Variants in MID1 observed in about 807,000 individuals in gnomAD.
MID1 encodes the protein E3 ubiquitin-protein ligase Midline-1.
Under a neutral mutation model 40.4 loss-of-function variants are expected in MID1, and 7 were observed. The ratio of observed to expected loss-of-function variants is 0.17; its 90% CI spans 0.10 to 0.33. The LOEUF (loss-of-function observed/expected upper bound fraction) is 0.33, where lower values mean the gene tolerates loss of function less well. Ranked by LOEUF, MID1 falls within the 10% of genes least tolerant of loss-of-function variation. The pLI is 1.00. For synonymous variants in MID1, 229 were observed against 221.2 expected, an observed-to-expected ratio of 1.04 and a Z score of -0.31; for missense variants, 367 against 558.5, an observed-to-expected ratio of 0.66 and a Z score of 3.46.
At chrX:10,576,729 T>C (rs1934880525) in intron 1 of MID1, 1 of 111,352 alleles carries the variant, frequency 9.0e-6, no homozygotes, top group East Asian at 2.8e-4. Flanking sequence ...TGGTCCTTAA[T>C]AGTTCTTTGA....
chrX:10,772,828 T>C (rs887948873), intron 1 of MID1, among the ~76,000 whole-genome samples: 1 of 110,365 alleles, frequency 9.1e-6, no homozygotes, highest in African/African-American at 3.3e-5. Flanking sequence ...TATATATGTA[T>C]AATACATATG....
chrX:10,582,349 G>A (rs751465153), intron 1 of MID1, among the ~76,000 whole-genome samples: 33 of 111,823 alleles, frequency 3.0e-4, no homozygotes, highest in African/African-American at 1.0e-3. Context: ...ACATCCTGGG[G>A]AATAGTCTGG....
intron 1 of MID1, among the ~76,000 whole-genome samples, chrX:10,630,766 G>A (rs886260503): frequency 9.0e-6 from 1 of 111,513 alleles, no homozygotes; most frequent in Non-Finnish European, 1.9e-5. Context: ...GGATTGGGAC[G>A]GGGGTGGCAC....
At chrX:10,502,715 G>A (rs893443779) in intron 3 of MID1, among the ~76,000 whole-genome samples, 2 of 111,938 alleles carry the variant, frequency 1.8e-5, no homozygotes, top group Non-Finnish European at 3.8e-5. Flanking sequence ...TCGGCCTCAT[G>A]GCAAAAACAA....
chrX:10,754,299 G>GT (rs1268373586), intron 1 of MID1, among the ~76,000 whole-genome samples: 27 of 102,172 alleles, frequency 2.6e-4, no homozygotes, highest in Non-Finnish European at 4.4e-4. Context: ...AGACAAGAGA[G>GT]TTTTTTTTTG....
chrX:10,701,572 G>C (rs983042688), intron 1 of MID1, among the ~76,000 whole-genome samples: 1 of 112,404 alleles, frequency 8.9e-6, no homozygotes, highest in East Asian at 2.8e-4. Flanking sequence ...GGAATTAGAG[G>C]AGATGCGGCA....
chrX:10,564,647 G>GTT (rs1356832843), intron 2 of MID1, among the ~76,000 whole-genome samples: 1 of 111,666 alleles, frequency 9.0e-6, no homozygotes, highest in Non-Finnish European at 1.9e-5. Context: ...TAACTGAAGA[G>GTT]TTTTGTTTTT....
At chrX:10,575,786 C>T (rs1187521123) in intron 1 of MID1, among the ~76,000 whole-genome samples, 3 of 110,664 alleles carry the variant, frequency 2.7e-5, no homozygotes, top group Non-Finnish European at 3.8e-5. Flanking sequence ...TCAGTACAAA[C>T]GCAAAGTGGT....
chrX:10,601,876 AGTTTTTGTTTTT>A (rs1331447442), intron 1 of MID1, among the ~76,000 whole-genome samples: 16 of 106,900 alleles, frequency 1.5e-4, no homozygotes, highest in African/African-American at 2.4e-4. Context: ...ATGGAATTGG[AGTTTTTGTTTTT>A]GTTTTTGTTT....
At chrX:10,655,688 C>T (rs886641052) in intron 1 of MID1, among the ~76,000 whole-genome samples, 2 of 110,759 alleles carry the variant, frequency 1.8e-5, no homozygotes, top group Non-Finnish European at 3.8e-5. Flanking sequence ...TTAGCAAACA[C>T]GAAGCAAGCA....
intron 1 of MID1, among the ~76,000 whole-genome samples, chrX:10,803,048 A>G (rs2044020028): frequency 1.8e-5 from 2 of 111,007 alleles, no homozygotes; most frequent in African/African-American, 6.6e-5. Flanking sequence ...GGATGGGGGC[A>G]AGGGCTGAAA....
intron 2 of MID1, among the ~76,000 whole-genome samples, chrX:10,541,292 C>T: frequency 8.9e-6 from 1 of 111,900 alleles, no homozygotes; most frequent in Middle Eastern, 4.6e-3. Context: ...TTTTGGATTA[C>T]AGGTAAACAG....
At chrX:10,473,625 C>T (rs1929835952) in intron 6 of MID1, among the ~76,000 whole-genome samples, 2 of 112,299 alleles carry the variant, frequency 1.8e-5, no homozygotes, top group Admixed American at 1.9e-4. Flanking sequence ...CAAACATGTA[C>T]ACACAGAATT....
At chrX:10,628,210 G>C (rs1361066339) in intron 1 of MID1, among the ~76,000 whole-genome samples, 2 of 109,825 alleles carry the variant, frequency 1.8e-5, no homozygotes, top group East Asian at 5.7e-4. Flanking sequence ...TACTGAGATA[G>C]GCTTTCTTAT....
At chrX:10,517,819 C>T (rs1005609523) in intron 3 of MID1, among the ~76,000 whole-genome samples, 9 of 112,585 alleles carry the variant, frequency 8.0e-5, no homozygotes, top group Non-Finnish European at 1.5e-4. Flanking sequence ...GCTGCTTCCC[C>T]AGTCCCCAGC....
intron 1 of MID1, among the ~76,000 whole-genome samples, chrX:10,765,485 G>C (rs1056279537): frequency 2.7e-5 from 3 of 112,472 alleles, no homozygotes; most frequent in Non-Finnish European, 5.6e-5. Flanking sequence ...GATTGATCAA[G>C]CCATGGGGTT....
At chrX:10,809,110 G>A (rs775025198) in intron 1 of MID1, among the ~76,000 whole-genome samples, 113 of 111,843 alleles carry the variant, frequency 1.0e-3, no homozygotes, top group African/African-American at 3.5e-3. Flanking sequence ...ATCAAAAAGT[G>A]GGCGATGGAT....
At chrX:10,470,591 C>A (rs977597683) in intron 6 of MID1, among the ~76,000 whole-genome samples, 2 of 112,130 alleles carry the variant, frequency 1.8e-5, no homozygotes, top group Non-Finnish European at 3.8e-5. Context: ...TCAACTCATG[C>A]GATATTTCAA....
chrX:10,801,088 G>C (rs1410365071), intron 1 of MID1, among the ~76,000 whole-genome samples: 1 of 109,475 alleles, frequency 9.1e-6, no homozygotes, highest in Non-Finnish European at 1.9e-5. Context: ...TGAATGGATA[G>C]TCAGGACTCA....
Sources: gnomAD v4.1 joint callset for allele counts (sites outside exome capture counted in the v4.1 genomes callset) on GRCh38, gnomAD v4.1.1 for gene constraint, MANE v1.5 for transcripts, NCBI Gene and HGNC (gene_info 2026-07-23, HGNC 2026-07-21) for gene names.